The following TMEM178B variants were observed in gnomAD, a reference collection of about 807,000 sequenced individuals.
TMEM178B encodes transmembrane protein 178B.
Under a neutral mutation model 31.0 loss-of-function variants are expected in TMEM178B, and 5 were observed. The observed-to-expected ratio is 0.16, with a 90% CI of 0.08 to 0.34. The LOEUF is 0.34. Among genes scored for constraint, TMEM178B ranks in the 10% least tolerant of loss-of-function variants. The probability of loss-of-function intolerance (pLI) is 1.00; values close to 1 mark genes in which losing one functional copy is unlikely to be tolerated. For missense variants in TMEM178B, 275 were observed against 400.3 expected (o/e 0.69, Z 2.67); for synonymous variants, 164 against 164.0 (o/e 1.00, Z 0.00).
chr7:141,288,710 G>A (rs187711283), intron 2 of TMEM178B, among the ~76,000 whole-genome samples: 3 of 152,250 alleles, frequency 2.0e-5, no homozygotes, highest in Admixed American at 6.5e-5. Context: ...GCTCCAGTGC[G>A]GTTGTCCGAA....
chr7:141,493,849 C>A, the TMEM178B span, among the ~76,000 whole-genome samples: 1 of 152,182 alleles, frequency 6.6e-6, no homozygotes. Flanking sequence ...GCTGCCAATA[C>A]AAATTCAGTA....
At chr7:141,258,246 A>C (rs9691792) in intron 2 of TMEM178B, among the ~76,000 whole-genome samples, 66,656 of 151,534 alleles carry the variant, frequency 0.44, 14,914 homozygotes, top group East Asian at 0.67. Context: ...TGGTTCTTAT[A>C]TTGTTGTTTA....
At chr7:141,490,289 G>T in the TMEM178B span, among the ~76,000 whole-genome samples, 6 of 152,188 alleles carry the variant, frequency 3.9e-5, no homozygotes, top group African/African-American at 1.4e-4. Context: ...TTGGAAATAC[G>T]GTCTTTGCAG....
Position 141,422,413 on chromosome 7 carries a change from G to A in TMEM178B, c.497-15195G>A, listed in dbSNP as rs1408352814. Among the ~76,000 whole-genome samples, 1 of 152,226 alleles carries A rather than the reference G, an allele frequency of 6.6e-6. No homozygotes were observed. Among genetic ancestry groups the A allele is most frequent in the African/African-American group, 2.4e-5 (1 of 41,466 alleles). ...TCCCACTTCACCTCCCATTTCTGGTGCTACCTCACAATGGAGACTCTTCTT... is the reference window on the plus strand; with the variant it reads ...TCCCACTTCACCTCCCATTTCTGGTACTACCTCACAATGGAGACTCTTCTT... On this transcript the variant is annotated intron_variant, in intron 2 of 3. Coordinates refer to ENST00000565468, the MANE Select transcript of TMEM178B (RefSeq NM_001195278.2). The surrounding 1 kb of genome is among the most constrained non-coding windows in gnomAD (Gnocchi z 4.2).
At chr7:141,191,405 T>C (rs963360362) in intron 1 of TMEM178B, among the ~76,000 whole-genome samples, 2 of 152,230 alleles carry the variant, frequency 1.3e-5, no homozygotes, top group Non-Finnish European at 2.9e-5. Flanking sequence ...CTTTGTAATT[T>C]TGAGAGATCC....
intron 2 of TMEM178B, among the ~76,000 whole-genome samples, chr7:141,349,541 AACAG>A (rs757016814): frequency 1.1e-4 from 17 of 152,206 alleles, no homozygotes; most frequent in Non-Finnish European, 2.4e-4. Context: ...CAATGAGCAA[AACAG>A]ACAAAGATCC....
At chr7:141,437,134 C>T (rs532554766) in intron 2 of TMEM178B, among the ~76,000 whole-genome samples, 1 of 152,298 alleles carries the variant, frequency 6.6e-6, no homozygotes, top group Admixed American at 6.5e-5. Context: ...CCAGATCCAG[C>T]AGCCCATTTC....
intron 2 of TMEM178B, among the ~76,000 whole-genome samples, chr7:141,242,105 A>G (rs889388381): frequency 6.6e-6 from 1 of 152,228 alleles, no homozygotes; most frequent in African/African-American, 2.4e-5. Context: ...GTCCCAAAAA[A>G]TCAGCTCTAA....
At chr7:141,098,899 G>A (rs903107214) in intron 1 of TMEM178B, among the ~76,000 whole-genome samples, 1 of 152,130 alleles carries the variant, frequency 6.6e-6, no homozygotes, top group Non-Finnish European at 1.5e-5. Context: ...TCACCTTTCC[G>A]ATGAAGTTTA....
chr7:141,449,980 T>A (rs1418280031), intron 3 of TMEM178B, among the ~76,000 whole-genome samples: 1 of 152,228 alleles, frequency 6.6e-6, no homozygotes, highest in Non-Finnish European at 1.5e-5. Context: ...TGGATGTACC[T>A]GCTCATCCTA....
chr7:141,259,032 T>C (rs1293153025), intron 2 of TMEM178B, among the ~76,000 whole-genome samples: 1 of 152,228 alleles, frequency 6.6e-6, no homozygotes, highest in Non-Finnish European at 1.5e-5. Context: ...TTTTGGCCAC[T>C]AGTTCTTCAA....
chr7:141,211,203 G>A (rs1797047524), intron 1 of TMEM178B, among the ~76,000 whole-genome samples: 1 of 152,140 alleles, frequency 6.6e-6, no homozygotes, highest in South Asian at 2.1e-4. Context: ...CAGGATGCTT[G>A]TGGGCTAAAG....
chr7:141,126,826 C>G (rs963642632), intron 1 of TMEM178B, among the ~76,000 whole-genome samples: 4 of 151,792 alleles, frequency 2.6e-5, no homozygotes, highest in African/African-American at 9.7e-5. Context: ...GAGACCGAAA[C>G]TAACCATCTC....
chr7:141,316,422 A>G (rs1799006284), intron 2 of TMEM178B, among the ~76,000 whole-genome samples: 2 of 152,208 alleles, frequency 1.3e-5, no homozygotes, highest in African/African-American at 4.8e-5. Flanking sequence ...TGTGGAAGGT[A>G]TCAAGGCATC....
chr7:141,290,887 G>T (rs958547175), intron 2 of TMEM178B, among the ~76,000 whole-genome samples: 1 of 152,182 alleles, frequency 6.6e-6, no homozygotes, highest in African/African-American at 2.4e-5. Context: ...TTCAAGCTGT[G>T]TCCCTTCCCA....
intron 2 of TMEM178B, among the ~76,000 whole-genome samples, chr7:141,255,425 C>T (rs527437488): frequency 2.6e-5 from 4 of 152,260 alleles, no homozygotes; most frequent in Admixed American, 6.5e-5. Flanking sequence ...GGTTTCTAAC[C>T]GTTTGATTTC....
intron 2 of TMEM178B, among the ~76,000 whole-genome samples, chr7:141,436,387 G>A (rs1180082025): frequency 1.3e-5 from 2 of 152,154 alleles, no homozygotes; most frequent in African/African-American, 2.4e-5. Context: ...GGATCCTCCA[G>A]GCTGTTCTGC....
chr7:141,145,845 C>T (rs1296719355), intron 1 of TMEM178B, among the ~76,000 whole-genome samples: 1 of 152,172 alleles, frequency 6.6e-6, no homozygotes, highest in African/African-American at 2.4e-5. Context: ...AATTAGGGCT[C>T]CTGCCCAGTT....
At chr7:141,485,109 G>C (rs1420819827), downstream of TMEM178B, among the ~76,000 whole-genome samples, 1 of 152,158 alleles carries the variant, frequency 6.6e-6, no homozygotes, top group Admixed American at 6.5e-5. Flanking sequence ...AAGACCACAT[G>C]GGTTTCAATC....
Sources: allele counts gnomAD v4.1 joint callset (sites outside exome capture counted in the v4.1 genomes callset), GRCh38; gene constraint gnomAD v4.1.1; non-coding constraint Gnocchi (gnomAD v3.1); transcripts MANE v1.5; gene names NCBI Gene and HGNC (gene_info 2026-07-23, HGNC 2026-07-21).